PLIN2: variants seen among roughly 807,000 people sequenced by gnomAD.
The protein encoded by PLIN2 is perilipin-2.
In PLIN2, 33 loss-of-function variants were observed where a neutral mutation model predicts 30.6. That is an observed-to-expected ratio of 1.08 (90% CI 0.82 to 1.44). The LOEUF (loss-of-function observed/expected upper bound fraction) is 1.44. PLIN2 is among the 40% of genes most tolerant of loss of function. PLIN2 has a pLI of 0.00. For missense variants in PLIN2, 610 were observed against 531.8 expected (o/e 1.15, Z -1.45); for synonymous variants, 205 against 201.1 (o/e 1.02, Z -0.16).
chr9:19,121,088 A>G lies in PLIN2; in HGVS notation c.387T>C (p.Ser129=). The G allele has an allele frequency of 1.2e-6, 2 of 1,614,118 alleles. No homozygotes were observed. The highest frequency in any genetic ancestry group is 1.3e-5 in the African/African-American group (1 of 75,058). Residue 129 remains serine, a synonymous_variant, in exon 5 of 8, where the codon TCT becomes TCC. Coordinates refer to ENST00000276914, the MANE Select transcript of PLIN2 (RefSeq NM_001122.4). ...VTTTVTGAKD[S]VASTITGVMD... is the part of the protein sequence containing the mutation. ...TCACCCCTGTGATCGTGCTGGCCAC[A>G]GAATCCTTGGCCCCAGTCACAGTAG... is the stretch of plus-strand genomic sequence containing the variant.
chr9:19,112,104 C>T (rs888808640), downstream of PLIN2, among the ~76,000 whole-genome samples: 3 of 152,202 alleles, frequency 2.0e-5, no homozygotes, highest in Admixed American at 1.3e-4. Context: ...GTTGAGGCAA[C>T]ATTAACTTAA....
In PLIN2 at chr9:19,116,607, G is replaced by A. The variant is rs1339551820; in HGVS notation, c.955C>T (p.Gln319Ter). 2 of 1,613,884 alleles carry A rather than the reference G, an allele frequency of 1.2e-6. No homozygotes were observed. The highest frequency in any genetic ancestry group is 1.3e-5 in the African/African-American group (1 of 74,922). Residue 319 changes from glutamine (Q) to a stop codon, truncating the protein, a stop_gained, in exon 8 of 8, where the codon CAG (glutamine) becomes TAG (stop). Coordinates refer to ENST00000276914, the MANE Select transcript of PLIN2 (RefSeq NM_001122.4). LOFTEE classifies it low-confidence loss of function (END_TRUNC). Reference protein sequence around the residue: ...RTLAIARNLTQQLQTTCHTLL... With the variant: ...RTLAIARNLT ...GTGTGGCACGTGGTCTGGAGCTGCT[G>A]AGTCAGGTTGCGGGCAATTGCAAGA...
intron 1 of PLIN2, among the ~76,000 whole-genome samples, 180 bp from the exon 2 acceptor site, chr9:19,126,628 C>CA (rs1292342078): frequency 5.3e-5 from 8 of 152,198 alleles, no homozygotes; most frequent in Non-Finnish European, 7.3e-5. Flanking sequence ...CACACCCACA[C>CA]AACCCCACTC....
chr9:19,109,379 G>A (rs200667742), intron 2 of PLIN2, among the ~76,000 whole-genome samples: 1 of 150,864 alleles, frequency 6.6e-6, no homozygotes, highest in African/African-American at 2.4e-5. Flanking sequence ...ACGGTGGAAC[G>A]CTGTCTCTAC....
At position 19,115,835 on chromosome 9, in the gene PLIN2, T is replaced by C. The variant is rs1198396374; in HGVS notation, c.*413A>G. 1 of 158,988 alleles carries C rather than the reference T, an allele frequency of 6.3e-6. No individual in the cohort carries two copies. Among genetic ancestry groups the C allele is most frequent in the Non-Finnish European group, 1.4e-5 (1 of 72,386 alleles). The allele number at this position is 158,988 out of a possible 1,614,324, so 9.8% of individuals were successfully genotyped here. A position where few individuals can be genotyped will look rare whatever the true frequency, so the allele number is the denominator to read the frequency against. On this transcript the variant is annotated 3_prime_UTR_variant, in exon 8 of 8. Coordinates refer to ENST00000276914, the MANE Select transcript of PLIN2 (RefSeq NM_001122.4). ...CTATTTGAGAAATGAAAAACTAAAA[T>C]CAAGTTTTACAAGCAAGCATCATGA...
rs776789567 is a variant in PLIN2 at position 19,116,563 on chromosome 9, T to C, written c.999A>G (p.Gln333=). The C allele has an allele frequency of 5.6e-6, 9 of 1,614,048 alleles. No homozygotes were observed. In the Admixed American group the frequency reaches 8.3e-5, roughly 15 times the overall value. Reference sequence around the variant, plus strand: ...GATCTTGGATGTTCTGTGGTACACCTTGGATGTTGGACAGGAGGGTGTGGC... The same window carrying C: ...GATCTTGGATGTTCTGTGGTACACCCTGGATGTTGGACAGGAGGGTGTGGC... ...TTCHTLLSNI[Q]GVPQNIQDQA... Residue 333 remains glutamine, a synonymous_variant, in exon 8 of 8, where the codon CAA becomes CAG. Transcript: ENST00000276914.
chr9:19,112,120 G>A (rs1346745652), downstream of PLIN2, among the ~76,000 whole-genome samples: 2 of 152,150 alleles, frequency 1.3e-5, no homozygotes. Flanking sequence ...CTTAATAGAT[G>A]AGAAAACTAA....
chr9:19,109,178 G>C (rs1818127386), intron 2 of PLIN2, among the ~76,000 whole-genome samples: 1 of 152,142 alleles, frequency 6.6e-6, no homozygotes, highest in Non-Finnish European at 1.5e-5. Flanking sequence ...AAAGCCTTTA[G>C]GGACAAGAAA....
At chr9:19,121,487 C>T in intron 4 of PLIN2, among the ~76,000 whole-genome samples, 1 of 110,078 alleles carries the variant, frequency 9.1e-6, no homozygotes, top group South Asian at 3.0e-4. Context: ...AAGACCCTGT[C>T]TCAAAAAAAA....
chr9:19,115,087 T>TC (rs946035618), downstream of PLIN2, among the ~76,000 whole-genome samples: 2 of 152,166 alleles, frequency 1.3e-5, no homozygotes, highest in African/African-American at 4.8e-5. Flanking sequence ...ATCACTCACT[T>TC]CCTTTCAGCT....
rs756616642 is a variant in PLIN2 at position 19,117,621 on chromosome 9, C to CT, written c.912+699dup. Among the ~76,000 whole-genome samples the CT allele has an allele frequency of 5.1e-3, 697 of 137,358 alleles. 4 individuals are homozygous for CT. The highest frequency in any genetic ancestry group is 0.014 in the South Asian group (59 of 4,286). The allele number at this position is 137,358 out of a possible 152,430, so 90.1% of individuals were successfully genotyped here. On this transcript the variant is annotated intron_variant, in intron 7 of 7. Coordinates refer to ENST00000276914, the MANE Select transcript of PLIN2 (RefSeq NM_001122.4). Reference sequence around the variant, plus strand: ...CTGAGATAGTCTTCCCATATGTTTTCTTTTTTTTTTTTTTGAGACAGAGTC... The same window carrying CT: ...CTGAGATAGTCTTCCCATATGTTTTCTTTTTTTTTTTTTTTGAGACAGAGTC...
chr9:19,119,627 C>T (rs1288406969), intron 6 of PLIN2, 23 bp downstream of exon 6: 4 of 1,465,790 alleles, frequency 2.7e-6, no homozygotes, highest in Non-Finnish European at 2.8e-6. Flanking sequence ...ACTTCAGACA[C>T]CTTAAAATAA....
chr9:19,109,292 C>G (rs537163374), intron 2 of PLIN2, among the ~76,000 whole-genome samples: 46 of 152,014 alleles, frequency 3.0e-4, no homozygotes, highest in Admixed American at 3.9e-4. Flanking sequence ...CAGTGGCTCA[C>G]GCCTGTAATC....
chr9:19,123,172 T>C, intron 4 of PLIN2: 3 of 592,540 alleles, frequency 5.1e-6, no homozygotes, highest in Non-Finnish European at 8.8e-6. Flanking sequence ...TTGTCAACAC[T>C]GGCTAGCTAT....
At chr9:19,109,864 G>A (rs1212837107) in intron 2 of PLIN2, among the ~76,000 whole-genome samples, 1 of 151,706 alleles carries the variant, frequency 6.6e-6, no homozygotes, top group Non-Finnish European at 1.5e-5. Flanking sequence ...GCTGAGGCAG[G>A]AGAATTACTT....
downstream of PLIN2, among the ~76,000 whole-genome samples, chr9:19,112,398 A>G (rs1413855025): frequency 6.6e-6 from 1 of 152,184 alleles, no homozygotes; most frequent in Non-Finnish European, 1.5e-5. Context: ...AGTTTATGCA[A>G]CAATGAAGCT....
Position 19,119,760 on chromosome 9 carries a change from G to A in PLIN2, c.667C>T (p.Leu223=), listed in dbSNP as rs114836303. ...KPSYYVRLGS[L]STKLHSRAYQ... is the part of the protein sequence containing the mutation. ...GCACGGGAGTGAAGCTTGGTAGACA[G>A]GGATCCCAGTCTAACATAATAACTT... The change falls in exon 6 of 8, where the codon CTG becomes TTG. Residue 223 remains leucine, a synonymous_variant. Transcript: ENST00000276914. 24 of 1,611,464 alleles carry A rather than the reference G, an allele frequency of 1.5e-5. No individual in the cohort carries two copies. In the African/African-American group the frequency reaches 1.9e-4, roughly 13 times the overall value.
rs545376819 is a variant in PLIN2, at chr9:19,119,820, T to C, written c.607A>G (p.Lys203Glu). 1 of 1,554,378 alleles carries C rather than the reference T, an allele frequency of 6.4e-7. No homozygotes were observed. Among genetic ancestry groups the C allele is most frequent in the South Asian group, 1.2e-5 (1 of 84,458 alleles). Reference protein sequence around the residue: ...LTEEELEKEAKKVEGFDLVQK... With the variant: ...LTEEELEKEAEKVEGFDLVQK... ...ACCAGATCAAATCCTTCAACTTTTT[T>C]TGCTTCTTTTTCTGAAGTTAGAAAT... The change falls in exon 6 of 8, where the codon AAA becomes GAA. Residue 203 changes from lysine (K) to glutamate (E), a missense_variant. Lys to Glu is a moderately conservative substitution (Grantham distance 56). Transcript: ENST00000276914.
rs768166950 is a variant in PLIN2 at position 19,126,348 on chromosome 9, C to A, written c.31-39G>T. ...AGGGAGGGTATGCTTATTAATCTCT[C>A]AAAACACAAAAGGAGAGAAAGTAGA... On this transcript the variant is annotated intron_variant, in intron 2 of 7. Coordinates refer to ENST00000276914, the MANE Select transcript of PLIN2 (RefSeq NM_001122.4). 6 of 1,613,542 alleles carry A rather than the reference C, an allele frequency of 3.7e-6. No homozygotes were observed. In the African/African-American group the frequency reaches 8.0e-5, roughly 22 times the overall value.
Sources: allele counts gnomAD v4.1 joint callset (sites outside exome capture counted in the v4.1 genomes callset), GRCh38; gene constraint gnomAD v4.1.1; transcripts MANE v1.5; gene names NCBI Gene and HGNC (gene_info 2026-07-23, HGNC 2026-07-21).